Variants in DIP2B observed in about 807,000 individuals in gnomAD.
DIP2B encodes disco-interacting protein 2 homolog B.
In DIP2B, 76 loss-of-function variants were observed where a neutral mutation model predicts 198.0. The ratio of observed to expected loss-of-function variants is 0.38; its 90% CI spans 0.32 to 0.46. The LOEUF is 0.46. DIP2B is among the 20% of genes least tolerant of loss of function. The pLI is 0.99. For synonymous variants in DIP2B, 701 were observed against 739.1 expected, an observed-to-expected ratio of 0.95 and a Z score of 0.84; for missense variants, 1,559 against 1,978.4, an observed-to-expected ratio of 0.79 and a Z score of 4.02.
At chr12:50,594,219 C>A (rs1958859752) in intron 1 of DIP2B, among the ~76,000 whole-genome samples, 1 of 151,912 alleles carries the variant, frequency 6.6e-6, no homozygotes, top group South Asian at 2.1e-4. Context: ...GCTGGCATTA[C>A]AAACATGAGC....
rs1027127632 is a variant in DIP2B at position 50,744,770 on chromosome 12, G to A, written c.4662G>A (p.Gln1554=). ...VIPINSRGEK[Q]RMHLRDSFLA... is the part of the protein sequence containing the mutation. Reference sequence around the variant, plus strand: ...CGATCAACTCCAGAGGAGAGAAGCAGAGGATGCACCTCCGTGATAGCTTCC... The same window carrying A: ...CGATCAACTCCAGAGGAGAGAAGCAAAGGATGCACCTCCGTGATAGCTTCC... Residue 1554 remains glutamine (Q), a synonymous_variant, in exon 38 of 38, where the codon CAG becomes CAA. Coordinates refer to ENST00000301180, the MANE Select transcript of DIP2B (RefSeq NM_173602.3). 2 of 1,614,194 alleles carry A rather than the reference G, an allele frequency of 1.2e-6. No individual in the cohort carries two copies. The highest frequency in any genetic ancestry group is 1.7e-6 in the Non-Finnish European group (2 of 1,180,044).
intron 1 of DIP2B, among the ~76,000 whole-genome samples, chr12:50,622,337 G>A (rs903379580): frequency 8.5e-5 from 13 of 152,122 alleles, no homozygotes; most frequent in African/African-American, 2.7e-4. Context: ...TTCAGTTTCT[G>A]TATTTTACTA....
At chr12:50,706,459 T>C in intron 20 of DIP2B, 79 bp from the exon 21 acceptor site, 1 of 1,517,812 alleles carries the variant, frequency 6.6e-7, no homozygotes, top group Non-Finnish European at 9.0e-7. Context: ...ATGAGATTTA[T>C]TTAAAGGCAG....
chr12:50,610,834 G>A (rs1166023026), intron 1 of DIP2B, among the ~76,000 whole-genome samples: 1 of 139,650 alleles, frequency 7.2e-6, no homozygotes, highest in Admixed American at 7.5e-5. Flanking sequence ...ATGGAGGCTC[G>A]CTCTGTTGCC....
intron 1 of DIP2B, among the ~76,000 whole-genome samples, chr12:50,618,095 T>G (rs1937735739): frequency 6.6e-6 from 1 of 152,232 alleles, no homozygotes; most frequent in Non-Finnish European, 1.5e-5. Flanking sequence ...CTTGTTCTCA[T>G]GAAGGTAATG....
Position 50,724,900 on chromosome 12 carries a change from T to G in DIP2B, c.3400+14T>G, listed in dbSNP as rs566518378. ...TCATTGACACAGGTGAAAGGGAGAC[T>G]TCTTCTGAGGGTGGAGGGACTGAGA... On this transcript the variant is annotated intron_variant, in intron 28 of 37. Transcript: ENST00000301180. 4.9e-5 allele frequency: 79 copies of G among 1,612,298 alleles called. No individual in the cohort carries two copies. The highest frequency in any genetic ancestry group is 6.5e-5 in the Non-Finnish European group (77 of 1,178,420).
chr12:50,578,111 A>T (rs1280695011), intron 1 of DIP2B, among the ~76,000 whole-genome samples: 1 of 152,194 alleles, frequency 6.6e-6, no homozygotes, highest in Non-Finnish European at 1.5e-5. Context: ...TCCCAGGTTC[A>T]AGTGATTCTC....
chr12:50,584,554 G>A (rs1485462888), intron 1 of DIP2B, among the ~76,000 whole-genome samples: 1 of 152,028 alleles, frequency 6.6e-6, no homozygotes, highest in African/African-American at 2.4e-5. Flanking sequence ...AAATGTATTT[G>A]TTATTTATTT....
rs374395854 is a variant in DIP2B, at chr12:50,547,929, G to A, written c.100+42689G>A. On this transcript the variant is annotated intron_variant, in intron 1 of 37. Transcript: ENST00000301180. ...ACAAAAAATACAAAAATTAGCCAGG[G>A]ATGGTTGTGCATGCCTGTAGTTCTA... Among the ~76,000 whole-genome samples the A allele has an allele frequency of 1.4e-4, 22 of 152,146 alleles. No individual in the cohort carries two copies. In the East Asian group the frequency reaches 2.3e-3, roughly 16 times the overall value.
intron 4 of DIP2B, among the ~76,000 whole-genome samples, chr12:50,668,148 C>A (rs896763845): frequency 4.6e-5 from 7 of 152,210 alleles, no homozygotes; most frequent in Admixed American, 4.6e-4. Context: ...CTGGGCCTTT[C>A]ATAACTAATC....
At chr12:50,665,571 A>G (rs1938737296) in intron 4 of DIP2B, among the ~76,000 whole-genome samples, 1 of 152,220 alleles carries the variant, frequency 6.6e-6, no homozygotes, top group Admixed American at 6.5e-5. Flanking sequence ...AGCAAGAGTT[A>G]TCATCTCTAC....
Position 50,714,325 on chromosome 12 carries a change from G to C in DIP2B, c.2650-70G>C. 6.3e-6 allele frequency: 10 copies of C among 1,575,442 alleles called. No homozygotes were observed. In the South Asian group the frequency reaches 1.1e-4, roughly 18 times the overall value. On this transcript the variant is annotated intron_variant, in intron 22 of 37. Transcript: ENST00000301180. ...AGAAAAATTGTAGCGTAAAATAATG[G>C]ATTATACCAGGAATATGTCAAATGT...
At chr12:50,592,771 G>T (rs192053507) in intron 1 of DIP2B, among the ~76,000 whole-genome samples, 186 of 152,194 alleles carry the variant, frequency 1.2e-3, no homozygotes, top group African/African-American at 4.1e-3. Flanking sequence ...CACTGCACCC[G>T]GCCAGATTAT....
chr12:50,524,129 A>G (rs1958142907), intron 1 of DIP2B, among the ~76,000 whole-genome samples: 1 of 152,226 alleles, frequency 6.6e-6, no homozygotes, highest in Non-Finnish European at 1.5e-5. Context: ...CTCTGTATCA[A>G]GTCCATCAGT....
At chr12:50,704,958 CA>C (rs932683240) in intron 20 of DIP2B, among the ~76,000 whole-genome samples, 14 of 143,156 alleles carry the variant, frequency 9.8e-5, no homozygotes, top group African/African-American at 2.1e-4. Context: ...AAAAAACAAA[CA>C]AAAAAAAAAC....
At chr12:50,665,677 C>T (rs984486628) in intron 4 of DIP2B, among the ~76,000 whole-genome samples, 4 of 151,190 alleles carry the variant, frequency 2.6e-5, no homozygotes, top group Non-Finnish European at 5.9e-5. Flanking sequence ...TGTAGCCACT[C>T]AGGAGGCTGA....
In DIP2B at chr12:50,678,792, C is replaced by A; in HGVS notation, c.1030C>A (p.Gln344Lys). ...NWPPALESAL[Q>K]RWGTTQAKCS... The stretch of plus-strand genomic sequence containing the variant: ...GCCTCCTGCTCTTGAATCTGCCCTG[C>A]AGCGCTGGGGTACCACTCAAGCAAA... The change falls in exon 8 of 38, where the codon CAG becomes AAG. Residue 344 changes from glutamine to lysine, a missense_variant. Gln to Lys is a moderately conservative substitution (Grantham distance 53, BLOSUM62 1). Transcript: ENST00000301180. 1 of 1,614,204 alleles carries A rather than the reference C, an allele frequency of 6.2e-7. No individual in the cohort carries two copies.
chr12:50,520,659 A>G (rs997443002), intron 1 of DIP2B, among the ~76,000 whole-genome samples: 2 of 152,176 alleles, frequency 1.3e-5, no homozygotes, highest in African/African-American at 4.8e-5. Context: ...TCTGATTTCT[A>G]ATGTTACCCC....
At chr12:50,589,238 G>A (rs867130949) in intron 1 of DIP2B, among the ~76,000 whole-genome samples, 1 of 126,778 alleles carries the variant, frequency 7.9e-6, no homozygotes, top group Non-Finnish European at 1.6e-5. Flanking sequence ...GTTTGTCTTT[G>A]TTTTTTTTTT....
Sources: gnomAD v4.1 joint callset for allele counts (sites outside exome capture counted in the v4.1 genomes callset) on GRCh38, gnomAD v4.1.1 for gene constraint, MANE v1.5 for transcripts, NCBI Gene and HGNC (gene_info 2026-07-23, HGNC 2026-07-21) for gene names.